The following NRG3 variants were observed in gnomAD, a reference collection of about 807,000 sequenced individuals.
NRG3 encodes the protein neuregulin 3.
A neutral mutation model predicts 66.9 loss-of-function variants in NRG3; 31 were observed. The ratio of observed to expected loss-of-function variants is 0.46; its 90% confidence interval spans 0.35 to 0.63. NRG3 has a LOEUF of 0.63. NRG3 is among the 20% of genes least tolerant of loss of function. The pLI is 0.00. For synonymous variants in NRG3, 393 were observed against 359.4 expected (o/e 1.09, Z -1.06); for missense variants, 910 against 878.9 (o/e 1.04, Z -0.45).
At chr10:82,683,678 T>G (rs965245688) in intron 2 of NRG3, among the ~76,000 whole-genome samples, 8 of 152,204 alleles carry the variant, frequency 5.3e-5, no homozygotes, top group Admixed American at 5.2e-4. Context: ...CTTATAGTGA[T>G]AAAAGACACT....
chr10:81,877,185 A>G (rs1338830913), intron 1 of NRG3, among the ~76,000 whole-genome samples: 1 of 152,168 alleles, frequency 6.6e-6, no homozygotes, highest in Admixed American at 6.5e-5. Flanking sequence ...GTATTTTCTC[A>G]ACATTTTTAT....
At chr10:82,918,364 C>T (rs1217345079) in intron 4 of NRG3, among the ~76,000 whole-genome samples, 1 of 152,128 alleles carries the variant, frequency 6.6e-6, no homozygotes, top group African/African-American at 2.4e-5. Context: ...CAGGTATTTT[C>T]ATCTTTCTCA....
At chr10:82,869,144 A>G (rs958358957) in intron 4 of NRG3, among the ~76,000 whole-genome samples, 1 of 152,210 alleles carries the variant, frequency 6.6e-6, no homozygotes, top group Admixed American at 6.5e-5. Flanking sequence ...ATGTCAGTTT[A>G]TTGTTGTGCC....
At chr10:82,919,231 T>G (rs937275181) in intron 4 of NRG3, among the ~76,000 whole-genome samples, 13 of 152,158 alleles carry the variant, frequency 8.5e-5, no homozygotes, top group African/African-American at 3.1e-4. Context: ...TGACCTAGGT[T>G]ATATACATTT....
In NRG3 at chr10:82,399,352, A is replaced by G. The variant is rs1358379203; in HGVS notation, c.953+40484A>G. Among the ~76,000 whole-genome samples the G allele has an allele frequency of 4.6e-5, 7 of 152,366 alleles. 1 individual carries two copies. In the East Asian group the frequency reaches 1.3e-3, roughly 29 times the overall value. The stretch of plus-strand genomic sequence containing the variant: ...TACAAAATATCTTTCTTAAGATGTC[A>G]GAAGAAAATTTAGCTATTCTGAAAC... On this transcript the variant is annotated intron_variant, in intron 2 of 8. Coordinates refer to ENST00000372141, the MANE Select transcript of NRG3 (RefSeq NM_001010848.4).
chr10:81,958,727 TA>T, intron 1 of NRG3, among the ~76,000 whole-genome samples: 1 of 152,122 alleles, frequency 6.6e-6, no homozygotes, highest in Non-Finnish European at 1.5e-5. Context: ...CTGTCTGTAC[TA>T]AAAATACAAA....
chr10:82,423,708 G>C (rs1288828910), intron 2 of NRG3, among the ~76,000 whole-genome samples: 4 of 151,882 alleles, frequency 2.6e-5, no homozygotes, highest in African/African-American at 9.7e-5. Context: ...TCATTTAAAG[G>C]TGTTGATATT....
chr10:82,830,792 T>C (rs1299720018), intron 3 of NRG3, among the ~76,000 whole-genome samples: 1 of 152,158 alleles, frequency 6.6e-6, no homozygotes, highest in African/African-American at 2.4e-5. Flanking sequence ...CTAGGGAAAC[T>C]GTTATGCTAA....
intron 2 of NRG3, among the ~76,000 whole-genome samples, chr10:82,457,021 G>A (rs1234176079): frequency 2.0e-5 from 3 of 152,086 alleles, no homozygotes; most frequent in Non-Finnish European, 4.4e-5. Context: ...ATTTTTCAAA[G>A]TGCTAGACAG....
intron 4 of NRG3, among the ~76,000 whole-genome samples, chr10:82,939,783 T>C (rs1360546572): frequency 6.6e-6 from 1 of 151,920 alleles, no homozygotes; most frequent in Non-Finnish European, 1.5e-5. Flanking sequence ...AATGTTTTTT[T>C]AAGTGTAGTA....
At chr10:82,143,283 G>A (rs2069960556) in intron 1 of NRG3, among the ~76,000 whole-genome samples, 1 of 152,106 alleles carries the variant, frequency 6.6e-6, no homozygotes, top group Non-Finnish European at 1.5e-5. Context: ...ATAAGTTGAG[G>A]ATAATAAGAT....
At chr10:82,845,774 T>C (rs186118013) in intron 3 of NRG3, among the ~76,000 whole-genome samples, 5 of 152,322 alleles carry the variant, frequency 3.3e-5, no homozygotes, top group African/African-American at 1.2e-4. Context: ...GTGGATATTT[T>C]ATCTACCTTG....
At chr10:82,378,419 G>A (rs2085398461) in intron 2 of NRG3, among the ~76,000 whole-genome samples, 1 of 152,190 alleles carries the variant, frequency 6.6e-6, no homozygotes, top group Non-Finnish European at 1.5e-5. Context: ...CAATGCAGAA[G>A]CAGCTGGGTT....
intron 2 of NRG3, among the ~76,000 whole-genome samples, chr10:82,408,996 T>A (rs1260509786): frequency 9.9e-5 from 15 of 152,046 alleles, no homozygotes; most frequent in African/African-American, 3.6e-4. Flanking sequence ...GCACAGAGGG[T>A]GTCTGAAGGG....
intron 1 of NRG3, among the ~76,000 whole-genome samples, chr10:82,067,177 T>C (rs1188676628): frequency 1.3e-5 from 2 of 152,172 alleles, no homozygotes; most frequent in African/African-American, 4.8e-5. Flanking sequence ...TGACAAAAAT[T>C]TGAAGTTAGT....
At chr10:81,921,468 C>T (rs2132872622) in intron 1 of NRG3, among the ~76,000 whole-genome samples, 1 of 152,174 alleles carries the variant, frequency 6.6e-6, no homozygotes, top group Middle Eastern at 3.4e-3. Context: ...CCAAGTCAAA[C>T]CTCTTAGTCT....
chr10:82,266,388 G>C (rs887163032), intron 1 of NRG3, among the ~76,000 whole-genome samples: 1 of 152,046 alleles, frequency 6.6e-6, no homozygotes, highest in African/African-American at 2.4e-5. Flanking sequence ...GTAATATGGG[G>C]GCTACAGCGT....
intron 3 of NRG3, among the ~76,000 whole-genome samples, chr10:82,857,936 A>G (rs1313638239): frequency 6.6e-6 from 1 of 152,130 alleles, no homozygotes; most frequent in African/African-American, 2.4e-5. Context: ...TCTTTTTAGG[A>G]CAGACATTCT....
At chr10:82,198,696 C>T (rs1440719223) in intron 1 of NRG3, among the ~76,000 whole-genome samples, 3 of 152,026 alleles carry the variant, frequency 2.0e-5, no homozygotes, top group Non-Finnish European at 2.9e-5. Context: ...TTCTAACTAA[C>T]GTACTGAAAA....
Sources: allele counts gnomAD v4.1 joint callset (sites outside exome capture counted in the v4.1 genomes callset), GRCh38; gene constraint gnomAD v4.1.1; transcripts MANE v1.5; gene names NCBI Gene and HGNC (gene_info 2026-07-23, HGNC 2026-07-21).